Variants in ICA1L observed in about 807,000 individuals in gnomAD.
ICA1L encodes the protein islet cell autoantigen 1-like protein.
Under a neutral mutation model 61.3 loss-of-function variants are expected in ICA1L, and 50 were observed. The ratio of observed to expected loss-of-function variants is 0.82; its 90% confidence interval spans 0.65 to 1.03. The LOEUF (loss-of-function observed/expected upper bound fraction) is 1.03, where lower values mean the gene tolerates loss of function less well. Ranked by LOEUF, ICA1L falls within the 50% of genes least tolerant of loss-of-function variation. The pLI is 0.00. For missense variants in ICA1L, 508 were observed against 556.7 expected, an observed-to-expected ratio of 0.91 and a Z score of 0.88; for synonymous variants, 161 against 191.3, an observed-to-expected ratio of 0.84 and a Z score of 1.31.
chr2:202,795,073 C>CTTTTTTTT (rs59752090), intron 10 of ICA1L, among the ~76,000 whole-genome samples: 2 of 97,074 alleles, frequency 2.1e-5, no homozygotes, highest in African/African-American at 3.9e-5. Flanking sequence ...GTTTCCTTTT[C>CTTTTTTTT]TTTTTTTTTT....
intron 1 of ICA1L, among the ~76,000 whole-genome samples, chr2:202,853,701 A>C (rs941384255): frequency 5.9e-5 from 9 of 152,212 alleles, no homozygotes; most frequent in Admixed American, 5.2e-4. Context: ...AAGAATATGA[A>C]CACACACTGC....
intron 3 of ICA1L, among the ~76,000 whole-genome samples, chr2:202,822,949 T>C (rs1693737943): frequency 6.6e-6 from 1 of 152,234 alleles, no homozygotes; most frequent in Non-Finnish European, 1.5e-5. Context: ...CATGCTAATT[T>C]AATGCTGATT....
intron 2 of ICA1L, among the ~76,000 whole-genome samples, 166 bp from the exon 3 acceptor site, chr2:202,825,933 T>C (rs980179126): frequency 3.3e-5 from 5 of 152,196 alleles, no homozygotes; most frequent in Admixed American, 6.5e-5. Flanking sequence ...TTACTTCCGA[T>C]GTAGAAAGCA....
Position 202,774,343 on chromosome 2 carries a change from G to GC in ICA1L, c.*5189dup. The GC allele has an allele frequency of 7.2e-7, 1 of 1,392,234 alleles. No homozygotes were observed. Among genetic ancestry groups the GC allele is most frequent in the Non-Finnish European group, 9.2e-7 (1 of 1,081,344 alleles). 86.2% of individuals were successfully genotyped at this position (1,392,234 alleles called of 1,614,324 possible). On this transcript the variant is annotated 3_prime_UTR_variant, in exon 13 of 13. Transcript: ENST00000358299. ...TTCCCCGCAGCGCTGAGGCGAGCCT[G>GC]CCGCGCGCTCCGCTCAGCGTGGTCT... is the stretch of plus-strand genomic sequence containing the variant.
At chr2:202,820,332 G>A (rs1195937116) in intron 4 of ICA1L, among the ~76,000 whole-genome samples, 1 of 149,920 alleles carries the variant, frequency 6.7e-6, no homozygotes, top group Non-Finnish European at 1.5e-5. Context: ...CCGAGATGGC[G>A]CCACTGCACT....
chr2:202,819,444 T>C (rs1296454851), intron 5 of ICA1L, among the ~76,000 whole-genome samples: 1 of 152,142 alleles, frequency 6.6e-6, no homozygotes, highest in African/African-American at 2.4e-5. Context: ...GGAAGCAACA[T>C]TTAAGAAGTA....
At chr2:202,851,324 C>T (rs1229614907) in intron 1 of ICA1L, among the ~76,000 whole-genome samples, 3 of 152,140 alleles carry the variant, frequency 2.0e-5, no homozygotes, top group African/African-American at 4.8e-5. Context: ...ATCCATGTCC[C>T]TATAAAGGAC....
At chr2:202,857,755 C>G (rs889363381) in intron 1 of ICA1L, among the ~76,000 whole-genome samples, 2 of 152,004 alleles carry the variant, frequency 1.3e-5, no homozygotes, top group Non-Finnish European at 2.9e-5. Flanking sequence ...CCAGAATCTA[C>G]AAGGAACTTA....
intron 10 of ICA1L, 51 bp from the exon 11 acceptor site, chr2:202,789,138 G>A (rs914805830): frequency 7.0e-7 from 1 of 1,425,208 alleles, no homozygotes; most frequent in Non-Finnish European, 9.7e-7. Context: ...TAGGAAATGA[G>A]AGTAAGACCA....
intron 1 of ICA1L, among the ~76,000 whole-genome samples, chr2:202,845,739 A>C (rs1343141451): frequency 6.6e-6 from 1 of 152,108 alleles, no homozygotes; most frequent in Non-Finnish European, 1.5e-5. Context: ...CAAATCAATA[A>C]TCTCTTTAGA....
At chr2:202,805,054 A>C (rs1693188081) in intron 9 of ICA1L, among the ~76,000 whole-genome samples, 1 of 152,236 alleles carries the variant, frequency 6.6e-6, no homozygotes, top group Admixed American at 6.5e-5. Context: ...TCCTGATACA[A>C]GCCCCATCAT....
chr2:202,802,848 G>A (rs1693119805), intron 9 of ICA1L, among the ~76,000 whole-genome samples: 1 of 151,988 alleles, frequency 6.6e-6, no homozygotes, highest in Non-Finnish European at 1.5e-5. Flanking sequence ...TTTCAAATCA[G>A]TAAATGGCAG....
intron 1 of ICA1L, among the ~76,000 whole-genome samples, chr2:202,850,404 G>A (rs1694585873): frequency 6.6e-6 from 1 of 152,110 alleles, no homozygotes; most frequent in Admixed American, 6.5e-5. Context: ...AAGGTTACAG[G>A]AACTGCTAAC....
At chr2:202,804,909 AATC>A (rs1433196358) in intron 9 of ICA1L, among the ~76,000 whole-genome samples, 1 of 152,232 alleles carries the variant, frequency 6.6e-6, no homozygotes, top group Non-Finnish European at 1.5e-5. Flanking sequence ...CACACTTCCA[AATC>A]ACTCATGGTC....
intron 9 of ICA1L, among the ~76,000 whole-genome samples, chr2:202,806,604 C>A (rs1380821884): frequency 6.6e-6 from 1 of 151,500 alleles, no homozygotes; most frequent in African/African-American, 2.4e-5. Flanking sequence ...CATGATTGCA[C>A]CACTGCACTC....
intron 1 of ICA1L, chr2:202,841,437 C>G: frequency 8.4e-7 from 1 of 1,188,754 alleles, no homozygotes; most frequent in South Asian, 1.2e-5. Context: ...GCATCTTGTT[C>G]TGCTGCTCCA....
chr2:202,781,573 CAAAA>C (rs200593045), intron 12 of ICA1L, among the ~76,000 whole-genome samples: 6 of 103,656 alleles, frequency 5.8e-5, no homozygotes, highest in Admixed American at 1.1e-4. Context: ...GACCCTGTCT[CAAAA>C]AAAAAAAAAA....
At chr2:202,842,488 A>G (rs1694359962) in intron 1 of ICA1L, among the ~76,000 whole-genome samples, 1 of 152,094 alleles carries the variant, frequency 6.6e-6, no homozygotes. Context: ...CCCACTCTCT[A>G]CTGGCCTGTA....
intron 10 of ICA1L, among the ~76,000 whole-genome samples, chr2:202,790,460 T>C (rs1692711712): frequency 6.6e-6 from 1 of 152,140 alleles, no homozygotes; most frequent in African/African-American, 2.4e-5. Flanking sequence ...AGTCCCATCT[T>C]CCCGCTTTCC....
Sources: gnomAD v4.1 joint callset for allele counts (sites outside exome capture counted in the v4.1 genomes callset) on GRCh38, gnomAD v4.1.1 for gene constraint, MANE v1.5 for transcripts, NCBI Gene and HGNC (gene_info 2026-07-23, HGNC 2026-07-21) for gene names.